The following JCAD variants were observed in gnomAD, a reference collection of about 807,000 sequenced individuals.
JCAD encodes the protein junctional cadherin 5 associated.
A neutral mutation model predicts 98.0 loss-of-function variants in JCAD; 40 were observed. The ratio of observed to expected loss-of-function variants is 0.41; its 90% CI spans 0.32 to 0.53. The LOEUF (loss-of-function observed/expected upper bound fraction) is 0.53. Among genes scored for constraint, JCAD ranks in the 20% least tolerant of loss-of-function variants. The pLI, the probability that JCAD is intolerant of heterozygous loss-of-function variation, is 0.31. For missense variants in JCAD, 1,705 were observed against 1,738.1 expected (o/e 0.98, Z 0.34); for synonymous variants, 691 against 682.3 (o/e 1.01, Z -0.20).
At chr10:30,037,434 C>T (rs997970993) in intron 2 of JCAD, among the ~76,000 whole-genome samples, 2 of 152,152 alleles carry the variant, frequency 1.3e-5, no homozygotes, top group Admixed American at 1.3e-4. Flanking sequence ...GAATATTACT[C>T]TTCAGCAAAG....
chr10:30,025,043 A>G (rs1015152290), intron 3 of JCAD, among the ~76,000 whole-genome samples: 4 of 152,166 alleles, frequency 2.6e-5, no homozygotes, highest in Admixed American at 6.5e-5. Context: ...CAACTGAAAC[A>G]ACAGCTCTTT....
intron 2 of JCAD, among the ~76,000 whole-genome samples, chr10:30,030,380 G>GC (rs1836966202): frequency 6.6e-6 from 1 of 152,200 alleles, no homozygotes; most frequent in African/African-American, 2.4e-5. Context: ...GTTCGAGGCT[G>GC]CAGTGAGCTG....
chr10:30,050,224 A>G (rs1244556891), intron 1 of JCAD, among the ~76,000 whole-genome samples: 1 of 150,386 alleles, frequency 6.6e-6, no homozygotes, highest in Non-Finnish European at 1.5e-5. Context: ...CTGAAGGAGG[A>G]CAATCGCTTG....
intron 2 of JCAD, among the ~76,000 whole-genome samples, chr10:30,043,750 TG>T (rs995003780): frequency 6.6e-6 from 1 of 152,168 alleles, no homozygotes; most frequent in African/African-American, 2.4e-5. Flanking sequence ...AGGCCTCACC[TG>T]GGGAGAGCTC....
chr10:30,106,425 TA>T (rs199724499), intron 1 of JCAD, among the ~76,000 whole-genome samples: 388 of 144,144 alleles, frequency 2.7e-3, no homozygotes, highest in Admixed American at 2.7e-3. Flanking sequence ...CCTTGTCTCT[TA>T]AAAAAAAAAA....
At chr10:30,061,405 G>T (rs1339036410), upstream of JCAD, among the ~76,000 whole-genome samples, 1 of 152,154 alleles carries the variant, frequency 6.6e-6, no homozygotes, top group Non-Finnish European at 1.5e-5. Flanking sequence ...AGCCGGGCGT[G>T]GTGGCAGGTG....
intron 3 of JCAD, among the ~76,000 whole-genome samples, chr10:30,019,522 G>T (rs1836613128): frequency 6.7e-6 from 1 of 149,378 alleles, no homozygotes; most frequent in Non-Finnish European, 1.5e-5. Context: ...CACAAATACT[G>T]CATGATCTCA....
intron 1 of JCAD, among the ~76,000 whole-genome samples, chr10:30,100,011 T>G (rs1838442362): frequency 6.6e-6 from 1 of 152,162 alleles, no homozygotes; most frequent in South Asian, 2.1e-4. Flanking sequence ...CCAATCGGAA[T>G]TAGTTTAGCC....
At chr10:30,025,717 G>A (rs777143489) in intron 3 of JCAD, among the ~76,000 whole-genome samples, 3 of 151,638 alleles carry the variant, frequency 2.0e-5, no homozygotes, top group Non-Finnish European at 2.9e-5. Context: ...GTGGGATCTC[G>A]TCTCTATAAA....
At position 30,027,015 on chromosome 10, in the gene JCAD, C is replaced by T; in HGVS notation, c.3133G>A (p.Ala1045Thr). Residue 1045 changes from alanine to threonine, a missense_variant, in exon 3 of 4, where the codon GCT becomes ACT. Ala to Thr is a moderately conservative substitution (Grantham distance 58). Transcript: ENST00000375377. Reference protein sequence around the residue: ...SLSNKNRGLSAPDLRSVGLTP... With the variant: ...SLSNKNRGLSTPDLRSVGLTP... Reference sequence around the variant, plus strand: ...AGCCCCACAGACCGTAAGTCTGGAGCTGAGAGCCCTCGGTTCTTGTTAGAC... The same window carrying T: ...AGCCCCACAGACCGTAAGTCTGGAGTTGAGAGCCCTCGGTTCTTGTTAGAC... 1 of 1,614,214 alleles carries T rather than the reference C, an allele frequency of 6.2e-7. No individual in the cohort carries two copies. The highest frequency in any genetic ancestry group is 1.3e-5 in the African/African-American group (1 of 75,066).
chr10:30,077,308 G>A (rs995069909), intron 1 of JCAD, among the ~76,000 whole-genome samples: 7 of 152,036 alleles, frequency 4.6e-5, no homozygotes, highest in African/African-American at 7.2e-5. Flanking sequence ...ATGGAGTCTC[G>A]TGCTGTTGCC....
intron 2 of JCAD, among the ~76,000 whole-genome samples, chr10:30,041,263 T>C (rs1265199511): frequency 6.6e-6 from 1 of 152,064 alleles, no homozygotes; most frequent in Admixed American, 6.5e-5. Flanking sequence ...GTCTTCCTGG[T>C]GTTCATGAGC....
rs2132610892 is a variant in JCAD at position 30,026,134 on chromosome 10, C to T, written c.4014G>A (p.Glu1338=). 4 of 1,614,196 alleles carry T rather than the reference C, an allele frequency of 2.5e-6. No homozygotes were observed. The highest frequency in any genetic ancestry group is 1.7e-5 in the Admixed American group (1 of 60,026). The stretch of plus-strand genomic sequence containing the variant: ...ACCAGAAGTCTTGATCCATGCTCTT[C>T]TCCTTTTGTGCTGCCGGATGCTCCT... The part of the protein sequence containing the change: ...EEKEHPAAQK[E]KSMDQDFWCP... The change falls in exon 3 of 4, where the codon GAG becomes GAA. Residue 1338 remains glutamate (E), a synonymous_variant. Coordinates refer to ENST00000375377, the MANE Select transcript of JCAD (RefSeq NM_020848.4).
At chr10:30,034,084 G>A (rs1837059266) in intron 2 of JCAD, among the ~76,000 whole-genome samples, 1 of 151,950 alleles carries the variant, frequency 6.6e-6, no homozygotes, top group Non-Finnish European at 1.5e-5. Flanking sequence ...TCGGCCGGGT[G>A]TGGTGGCGGG....
At chr10:30,050,339 A>AAAAAG (rs1837444041) in intron 1 of JCAD, among the ~76,000 whole-genome samples, 1 of 145,846 alleles carries the variant, frequency 6.9e-6, no homozygotes, top group South Asian at 2.2e-4. Context: ...AAAAAAAAAA[A>AAAAAG]AAAGAAAGAA....
At chr10:30,071,709 C>T (rs1216121277) in intron 1 of JCAD, among the ~76,000 whole-genome samples, 2 of 151,896 alleles carry the variant, frequency 1.3e-5, no homozygotes, top group African/African-American at 2.4e-5. Context: ...ACCTGGGGGG[C>T]GGAGGTTGCA....
chr10:30,028,768 A>G lies in JCAD; in HGVS notation c.1380T>C (p.Ala460=), dbSNP rs938841887. The change falls in exon 3 of 4, where the codon GCT becomes GCC. Residue 460 remains alanine (A), a synonymous_variant. Transcript: ENST00000375377. ...GCATTCCTCCATGAGCCGGCTCTTGAGCAGTGACAGGACTGGAGTTATATG... is the reference window on the plus strand; with the variant it reads ...GCATTCCTCCATGAGCCGGCTCTTGGGCAGTGACAGGACTGGAGTTATATG... ...DKSYNSSPVT[A]QEPAHGGMQP... 6.2e-7 allele frequency: 1 copy of G among 1,614,108 alleles called. No individual in the cohort carries two copies. The highest frequency in any genetic ancestry group is 8.5e-7 in the Non-Finnish European group (1 of 1,180,040).
At chr10:30,111,255 G>T (rs2132721487) in intron 1 of JCAD, among the ~76,000 whole-genome samples, 1 of 152,276 alleles carries the variant, frequency 6.6e-6, no homozygotes, top group East Asian at 1.9e-4. Flanking sequence ...TCGGGACCCA[G>T]CCCAGGGGTT....
At chr10:30,037,755 C>G (rs1837145245) in intron 2 of JCAD, among the ~76,000 whole-genome samples, 2 of 152,070 alleles carry the variant, frequency 1.3e-5, no homozygotes, top group South Asian at 4.2e-4. Context: ...GAAAGCAATT[C>G]AAAGGCACTT....
Sources: allele counts gnomAD v4.1 joint callset (sites outside exome capture counted in the v4.1 genomes callset), GRCh38; gene constraint gnomAD v4.1.1; transcripts MANE v1.5; gene names NCBI Gene and HGNC (gene_info 2026-07-23, HGNC 2026-07-21).